KMT2C: variants seen among roughly 807,000 people sequenced by gnomAD.
The protein encoded by KMT2C is histone-lysine N-methyltransferase 2C.
Under a neutral mutation model 507.9 loss-of-function variants are expected in KMT2C, and 88 were observed. The observed-to-expected ratio is 0.17, with a 90% CI of 0.15 to 0.21. KMT2C has a LOEUF of 0.21. Among genes scored for constraint, KMT2C ranks in the 10% least tolerant of loss-of-function variants. The pLI is 1.00. For missense variants in KMT2C, 4,954 were observed against 5,957.8 expected (o/e 0.83, Z 5.55); for synonymous variants, 2,049 against 2,080.8 (o/e 0.98, Z 0.42).
intron 6 of KMT2C, among the ~76,000 whole-genome samples, chr7:152,275,187 C>T (rs12671848): frequency 0.11 from 16,409 of 152,168 alleles, 2,129 homozygotes; most frequent in African/African-American, 0.31. Flanking sequence ...GTCTACTGCA[C>T]TGAATCAACA....
intron 23 of KMT2C, among the ~76,000 whole-genome samples, chr7:152,209,666 G>A (rs1488573246): frequency 6.7e-6 from 1 of 150,058 alleles, no homozygotes; most frequent in African/African-American, 2.5e-5. Flanking sequence ...CTTGAGCCCA[G>A]AAGGTTGAGG....
intron 14 of KMT2C, among the ~76,000 whole-genome samples, chr7:152,244,185 A>T (rs974511893): frequency 1.3e-5 from 2 of 152,228 alleles, no homozygotes; most frequent in African/African-American, 4.8e-5. Flanking sequence ...AAAATCAGTA[A>T]GACAAGTAGC....
rs530772124 is a variant in KMT2C at position 152,396,352 on chromosome 7, C to T, written c.162-37677G>A. ...TTGGTGGACATCCTCTGTCTCACTT[C>T]AAGAAATCGAGATAATAACAGTAAT... is the stretch of plus-strand genomic sequence containing the variant. On this transcript the variant is annotated intron_variant, in intron 1 of 58. Transcript: ENST00000262189. 3.3e-5 allele frequency among the ~76,000 whole-genome samples: 5 copies of T among 152,200 alleles called. No individual in the cohort carries two copies. The South Asian group carries it at 1.0e-3, about 32-fold the overall frequency.
intron 43 of KMT2C, among the ~76,000 whole-genome samples, chr7:152,160,453 C>A (rs1292137224): frequency 1.3e-5 from 2 of 152,108 alleles, no homozygotes; most frequent in Non-Finnish European, 2.9e-5. Flanking sequence ...TACTTCTCCC[C>A]TTCAGATGCT....
chr7:152,340,148 A>ATTT (rs71885303), intron 2 of KMT2C, among the ~76,000 whole-genome samples: 1,498 of 127,620 alleles, frequency 0.012, 18 homozygotes, highest in Middle Eastern at 0.02. Context: ...TCACGCCTGG[A>ATTT]TTTTTTTTTT....
At chr7:152,271,395 G>C (rs963326019) in intron 7 of KMT2C, among the ~76,000 whole-genome samples, 1 of 151,974 alleles carries the variant, frequency 6.6e-6, no homozygotes, top group Admixed American at 6.6e-5. Context: ...CAAGGAGGCC[G>C]GGCACGATGG....
At chr7:152,306,495 C>T (rs2096616888) in intron 6 of KMT2C, among the ~76,000 whole-genome samples, 1 of 152,196 alleles carries the variant, frequency 6.6e-6, no homozygotes, top group Non-Finnish European at 1.5e-5. Context: ...GGATGTAACA[C>T]AGTTTATTCA....
chr7:152,264,515 T>C (rs1278607384), intron 8 of KMT2C, among the ~76,000 whole-genome samples: 2 of 152,198 alleles, frequency 1.3e-5, no homozygotes, highest in Non-Finnish European at 2.9e-5. Context: ...AGGTGGCTTT[T>C]AGAGAGATGC....
At chr7:152,170,762 A>G (rs766122820) in intron 40 of KMT2C, among the ~76,000 whole-genome samples, 7 of 152,118 alleles carry the variant, frequency 4.6e-5, no homozygotes, top group Non-Finnish European at 1.0e-4. Context: ...CGGCCTCCCA[A>G]AGTGCTGGGA....
At chr7:152,311,155 A>G (rs1479092270) in intron 5 of KMT2C, among the ~76,000 whole-genome samples, 3 of 152,216 alleles carry the variant, frequency 2.0e-5, no homozygotes, top group Non-Finnish European at 2.9e-5. Context: ...TAAAGCAAAC[A>G]AAGTATTACT....
chr7:152,421,038 A>T (rs562824697), intron 1 of KMT2C, among the ~76,000 whole-genome samples: 92 of 145,084 alleles, frequency 6.3e-4, no homozygotes, highest in African/African-American at 2.2e-3. Context: ...AGTTTATAAT[A>T]AAAAAAAAAC....
rs75546541 is a variant in KMT2C at position 152,256,595 on chromosome 7, G to A, written c.1300-3880C>T. 5.9e-5 allele frequency among the ~76,000 whole-genome samples: 9 copies of A among 152,000 alleles called. No individual in the cohort carries two copies. In the East Asian group the frequency reaches 1.7e-3, roughly 29 times the overall value. Reference sequence around the variant, plus strand: ...CAAAAAAAACAAGAACAAATAAGCTGGCAGAAAGTATCTGCATCATGTAAC... The same window carrying A: ...CAAAAAAAACAAGAACAAATAAGCTAGCAGAAAGTATCTGCATCATGTAAC... On this transcript the variant is annotated intron_variant, in intron 9 of 58. Transcript: ENST00000262189.
intron 38 of KMT2C, among the ~76,000 whole-genome samples, chr7:152,175,291 G>A (rs533117740): frequency 1.3e-5 from 2 of 151,816 alleles, no homozygotes; most frequent in Admixed American, 6.6e-5. Flanking sequence ...GACTACAGGC[G>A]CACGCTGCTA....
intron 9 of KMT2C, among the ~76,000 whole-genome samples, chr7:152,255,138 T>TATATATAC (rs1437598051): frequency 3.2e-5 from 4 of 124,802 alleles, no homozygotes; most frequent in Admixed American, 7.9e-5. Context: ...TATATATATA[T>TATATATAC]ATATATACAT....
chr7:152,413,216 G>A (rs531116928), intron 1 of KMT2C, among the ~76,000 whole-genome samples: 15 of 152,240 alleles, frequency 9.9e-5, no homozygotes, highest in African/African-American at 2.9e-4. Flanking sequence ...CTGGGTTCAC[G>A]TCATCTTCCC....
intron 6 of KMT2C, among the ~76,000 whole-genome samples, chr7:152,291,851 T>A (rs2096432203): frequency 6.6e-6 from 1 of 152,256 alleles, no homozygotes; most frequent in Non-Finnish European, 1.5e-5. Flanking sequence ...TTTTTAAAGT[T>A]TATTTTCTAT....
At chr7:152,430,576 C>A (rs1348678439) in intron 1 of KMT2C, among the ~76,000 whole-genome samples, 4 of 152,190 alleles carry the variant, frequency 2.6e-5, no homozygotes, top group Non-Finnish European at 5.9e-5. Context: ...TGTCACCTGA[C>A]TAGAGTGTAG....
chr7:152,243,611 G>C (rs1264258727), intron 14 of KMT2C, among the ~76,000 whole-genome samples: 1 of 151,910 alleles, frequency 6.6e-6, no homozygotes, highest in Non-Finnish European at 1.5e-5. Context: ...GCGAAACACC[G>C]TCTCTACTAA....
intron 6 of KMT2C, among the ~76,000 whole-genome samples, chr7:152,289,393 CAT>C (rs1173672415): frequency 6.6e-6 from 1 of 152,172 alleles, no homozygotes; most frequent in Non-Finnish European, 1.5e-5. Flanking sequence ...CATGAATACA[CAT>C]CTTTTAATTA....
Sources: gnomAD v4.1 joint callset for allele counts (sites outside exome capture counted in the v4.1 genomes callset) on GRCh38, gnomAD v4.1.1 for gene constraint, MANE v1.5 for transcripts, NCBI Gene and HGNC (gene_info 2026-07-23, HGNC 2026-07-21) for gene names.